Variants in AFF3 observed in about 807,000 individuals in gnomAD.
The protein encoded by AFF3 is AF4/FMR2 family member 3.
A neutral mutation model predicts 129.7 loss-of-function variants in AFF3; 32 were observed. The observed-to-expected ratio is 0.25, with a 90% confidence interval of 0.19 to 0.33. The LOEUF is 0.33. AFF3 is among the 10% of genes least tolerant of loss of function. The pLI, the probability that AFF3 is intolerant of heterozygous loss-of-function variation, is 1.00. For missense variants in AFF3, 1,373 were observed against 1,592.0 expected (o/e 0.86, Z 2.34); for synonymous variants, 644 against 635.4 (o/e 1.01, Z -0.20).
chr2:99,630,316 C>T (rs1483985122), intron 13 of AFF3, among the ~76,000 whole-genome samples: 1 of 152,162 alleles, frequency 6.6e-6, no homozygotes, highest in Non-Finnish European at 1.5e-5. Context: ...TGTTAGAAAA[C>T]ATCAGTCTAC....
chr2:99,979,247 T>C (rs1679175814), intron 7 of AFF3, among the ~76,000 whole-genome samples: 1 of 152,024 alleles, frequency 6.6e-6, no homozygotes, highest in Non-Finnish European at 1.5e-5. Flanking sequence ...CCACTGCTTT[T>C]TTTCCCAAGG....
chr2:99,911,545 C>T (rs1412917142), intron 7 of AFF3, among the ~76,000 whole-genome samples: 1 of 152,080 alleles, frequency 6.6e-6, no homozygotes, highest in Non-Finnish European at 1.5e-5. Context: ...TTCCAGTGCC[C>T]TAGGACTCAT....
intron 7 of AFF3, among the ~76,000 whole-genome samples, chr2:99,847,907 A>G (rs1689853743): frequency 6.6e-6 from 1 of 152,168 alleles, no homozygotes; most frequent in Non-Finnish European, 1.5e-5. Context: ...CTTGACGCCC[A>G]CACTATTATT....
intron 8 of AFF3, among the ~76,000 whole-genome samples, chr2:99,812,551 A>G (rs1288486885): frequency 6.6e-6 from 1 of 152,206 alleles, no homozygotes; most frequent in Non-Finnish European, 1.5e-5. Context: ...ACGAAAAAAC[A>G]TGGTCGTTGG....
intron 8 of AFF3, among the ~76,000 whole-genome samples, chr2:99,763,621 T>C (rs925159742): frequency 2.0e-5 from 3 of 152,202 alleles, no homozygotes; most frequent in Admixed American, 6.5e-5. Flanking sequence ...AGGAAAATGG[T>C]AGCTGCTGAA....
chr2:99,899,278 G>A (rs1423763252), intron 7 of AFF3, among the ~76,000 whole-genome samples: 1 of 152,148 alleles, frequency 6.6e-6, no homozygotes, highest in Non-Finnish European at 1.5e-5. Flanking sequence ...TGAAACAAAG[G>A]TCACTTGCTC....
At chr2:99,880,821 TG>T (rs1157821658) in intron 7 of AFF3, among the ~76,000 whole-genome samples, 2 of 152,034 alleles carry the variant, frequency 1.3e-5, no homozygotes, top group Non-Finnish European at 2.9e-5. Flanking sequence ...GATGACGGAG[TG>T]CTGTTTGGGA....
At chr2:99,600,360 AG>A in intron 14 of AFF3, among the ~76,000 whole-genome samples, 1 of 152,304 alleles carries the variant, frequency 6.6e-6, no homozygotes, top group East Asian at 1.9e-4. Flanking sequence ...TGAAAGAAGT[AG>A]GGAGGGGAAA....
intron 13 of AFF3, among the ~76,000 whole-genome samples, chr2:99,617,467 G>A (rs1487526738): frequency 2.0e-5 from 3 of 152,180 alleles, no homozygotes; most frequent in African/African-American, 7.2e-5. Flanking sequence ...TGGAGAATGT[G>A]TATTCAAATC....
At chr2:99,793,796 T>C (rs1685374991) in intron 8 of AFF3, among the ~76,000 whole-genome samples, 1 of 152,210 alleles carries the variant, frequency 6.6e-6, no homozygotes, top group Non-Finnish European at 1.5e-5. Flanking sequence ...CTATCTTTAT[T>C]ATTTCTTCCT....
chr2:99,714,658 T>C (rs115418049), intron 11 of AFF3, among the ~76,000 whole-genome samples: 3 of 152,216 alleles, frequency 2.0e-5, no homozygotes, highest in African/African-American at 7.2e-5. Context: ...GAAAATCTTT[T>C]GGTAACAATT....
intron 20 of AFF3, among the ~76,000 whole-genome samples, chr2:99,560,866 T>G (rs944681770): frequency 2.6e-5 from 4 of 152,212 alleles, no homozygotes; most frequent in Non-Finnish European, 5.9e-5. Context: ...GATTTACCCC[T>G]CTTTCTTTGT....
At chr2:99,926,036 T>C (rs1049674636) in intron 7 of AFF3, among the ~76,000 whole-genome samples, 3 of 152,210 alleles carry the variant, frequency 2.0e-5, no homozygotes, top group African/African-American at 7.2e-5. Flanking sequence ...AATGCAATCA[T>C]CATTTAGCAA....
chr2:99,676,541 T>C (rs1028733632), intron 11 of AFF3, among the ~76,000 whole-genome samples: 2 of 152,198 alleles, frequency 1.3e-5, no homozygotes, highest in African/African-American at 4.8e-5. Flanking sequence ...CACGGGACCT[T>C]ACGCCAGGGA....
At chr2:99,791,620 A>G (rs895160245) in intron 8 of AFF3, among the ~76,000 whole-genome samples, 1 of 152,114 alleles carries the variant, frequency 6.6e-6, no homozygotes, top group Non-Finnish European at 1.5e-5. Flanking sequence ...CCCCCTCATT[A>G]AATTTACTGA....
At position 99,656,218 on chromosome 2, in the gene AFF3, G is replaced by C. The variant is rs535489856; in HGVS notation, c.1144-6552C>G. ...TAACAGTCATAAAAAATGGATTGAG[G>C]TTTCTGGATCTACATTTTGCTACTG... On this transcript the variant is annotated intron_variant, in intron 12 of 24. Coordinates refer to ENST00000672756, the MANE Select transcript of AFF3 (RefSeq NM_001386135.1). 9.3e-5 allele frequency among the ~76,000 whole-genome samples: 14 copies of C among 150,186 alleles called. No homozygotes were observed. The East Asian group carries it at 2.8e-3, about 30-fold the overall frequency.
At chr2:99,575,243 A>G (rs1396358018) in intron 18 of AFF3, among the ~76,000 whole-genome samples, 1 of 151,874 alleles carries the variant, frequency 6.6e-6, no homozygotes, top group Non-Finnish European at 1.5e-5. Flanking sequence ...TGCTTAAAGG[A>G]AGAGACGATG....
chr2:99,589,397 ATTTTTT>A (rs55888825), intron 15 of AFF3, among the ~76,000 whole-genome samples: 11 of 103,384 alleles, frequency 1.1e-4, no homozygotes, highest in East Asian at 3.0e-4. Context: ...AGATGTCAAC[ATTTTTT>A]TTTTTTTTTT....
At chr2:100,026,315 G>A (rs1684037743) in intron 4 of AFF3, among the ~76,000 whole-genome samples, 1 of 152,046 alleles carries the variant, frequency 6.6e-6, no homozygotes, top group Non-Finnish European at 1.5e-5. Flanking sequence ...CATCACTAAT[G>A]ATCAGGGAAA....
Sources: gnomAD v4.1 joint callset for allele counts (sites outside exome capture counted in the v4.1 genomes callset) on GRCh38, gnomAD v4.1.1 for gene constraint, MANE v1.5 for transcripts, NCBI Gene and HGNC (gene_info 2026-07-23, HGNC 2026-07-21) for gene names.